SHANK2: variants seen among roughly 807,000 people sequenced by gnomAD.
SHANK2 encodes SH3 and multiple ankyrin repeat domains protein 2.
A neutral mutation model predicts 133.7 loss-of-function variants in SHANK2; 43 were observed. The ratio of observed to expected loss-of-function variants is 0.32; its 90% CI spans 0.25 to 0.41. The LOEUF (loss-of-function observed/expected upper bound fraction) is 0.41, where lower values mean the gene tolerates loss of function less well. Among genes scored for constraint, SHANK2 ranks in the 10% least tolerant of loss-of-function variants. The pLI is 1.00. For synonymous variants in SHANK2, 1,017 were observed against 952.8 expected (o/e 1.07, Z -1.24); for missense variants, 1,994 against 2,235.8 (o/e 0.89, Z 2.18).
chr11:70,716,045 C>T (rs577413277), intron 14 of SHANK2, among the ~76,000 whole-genome samples: 2 of 152,198 alleles, frequency 1.3e-5, no homozygotes, highest in African/African-American at 4.8e-5. Context: ...CTGCCTAACC[C>T]CAAAACTGTC....
chr11:70,856,502 T>C (rs1256766244), intron 11 of SHANK2, among the ~76,000 whole-genome samples: 1 of 150,150 alleles, frequency 6.7e-6, no homozygotes, highest in Non-Finnish European at 1.5e-5. Context: ...GGATAATGAG[T>C]GGATGGATGG....
intron 17 of SHANK2, among the ~76,000 whole-genome samples, chr11:70,507,525 G>T (rs536575849): frequency 3.4e-4 from 52 of 152,268 alleles, no homozygotes; most frequent in African/African-American, 1.2e-3. Context: ...GTCTGTGAGG[G>T]GCCTGCAACA....
intron 5 of SHANK2, 113 bp downstream of exon 5, chr11:71,113,180 G>A (rs977143354): frequency 1.0e-6 from 1 of 959,180 alleles, no homozygotes; most frequent in Non-Finnish European, 1.6e-6. Context: ...CACACGCCAT[G>A]CCAGGTACAC....
intron 3 of SHANK2, among the ~76,000 whole-genome samples, chr11:71,132,385 C>T (rs781793269): frequency 2.6e-5 from 4 of 152,222 alleles, no homozygotes; most frequent in Non-Finnish European, 4.4e-5. Flanking sequence ...GGCTGCTCCT[C>T]ACCAGCATGG....
At chr11:71,230,524 G>A (rs7112670) in intron 1 of SHANK2, among the ~76,000 whole-genome samples, 47,322 of 150,700 alleles carry the variant, frequency 0.31, 7,519 homozygotes, top group East Asian at 0.44. Context: ...AGCCGAGATC[G>A]TGCTGCTGCA....
At chr11:70,923,792 A>G (rs1950386820) in intron 10 of SHANK2, among the ~76,000 whole-genome samples, 1 of 152,094 alleles carries the variant, frequency 6.6e-6, no homozygotes, top group African/African-American at 2.4e-5. Context: ...GGCTCAAGTG[A>G]TGATCCCGCC....
chr11:70,927,212 CAAT>C (rs1181076595), intron 10 of SHANK2, among the ~76,000 whole-genome samples: 1 of 152,116 alleles, frequency 6.6e-6, no homozygotes, highest in Non-Finnish European at 1.5e-5. Flanking sequence ...ATTTTATAAA[CAAT>C]AATACTTCCC....
At chr11:70,874,904 G>T (rs1590785401) in intron 11 of SHANK2, among the ~76,000 whole-genome samples, 1 of 152,158 alleles carries the variant, frequency 6.6e-6, no homozygotes, top group South Asian at 2.1e-4. Context: ...TCCGGACCCT[G>T]CAGACTTCAC....
intron 14 of SHANK2, among the ~76,000 whole-genome samples, chr11:70,795,192 T>C (rs1264317005): frequency 2.0e-5 from 3 of 152,048 alleles, no homozygotes; most frequent in African/African-American, 7.2e-5. Flanking sequence ...CTGATGTTCA[T>C]TTTTGCCATC....
intron 14 of SHANK2, among the ~76,000 whole-genome samples, chr11:70,709,809 C>G (rs1945740746): frequency 6.6e-6 from 1 of 151,900 alleles, no homozygotes; most frequent in African/African-American, 2.4e-5. Context: ...CATGTGACGG[C>G]TGAGCACAGA....
intron 10 of SHANK2, among the ~76,000 whole-genome samples, chr11:70,906,007 T>G (rs1296508667): frequency 1.3e-5 from 2 of 152,082 alleles, no homozygotes; most frequent in Admixed American, 6.5e-5. Flanking sequence ...GAGACAGGGT[T>G]TCACCATGCT....
chr11:70,622,975 G>A (rs2136463427), intron 17 of SHANK2, among the ~76,000 whole-genome samples: 1 of 152,202 alleles, frequency 6.6e-6, no homozygotes, highest in East Asian at 1.9e-4. Flanking sequence ...TCAGGAGTTT[G>A]AGACCAGCCT....
At chr11:70,734,018 CAG>C (rs1387718543) in intron 14 of SHANK2, among the ~76,000 whole-genome samples, 1 of 152,128 alleles carries the variant, frequency 6.6e-6, no homozygotes, top group Non-Finnish European at 1.5e-5. Context: ...TCATGGAAGA[CAG>C]GGGAGGGTGT....
intron 14 of SHANK2, among the ~76,000 whole-genome samples, chr11:70,779,614 C>T (rs1010733407): frequency 4.6e-5 from 7 of 152,306 alleles, no homozygotes; most frequent in African/African-American, 9.6e-5. Flanking sequence ...CAACCAGAGC[C>T]GCCCAGAGAT....
At chr11:70,573,231 G>A (rs1211927659) in intron 17 of SHANK2, among the ~76,000 whole-genome samples, 2 of 148,686 alleles carry the variant, frequency 1.3e-5, no homozygotes, top group African/African-American at 5.0e-5. Flanking sequence ...AGCGGTGGGG[G>A]CGGGGCAGGG....
intron 17 of SHANK2, among the ~76,000 whole-genome samples, chr11:70,639,167 C>A (rs2134143467): frequency 6.6e-6 from 1 of 152,218 alleles, no homozygotes; most frequent in South Asian, 2.1e-4. Flanking sequence ...CTAGAGGCCT[C>A]TGTGTTGGGG....
chr11:70,695,835 T>C (rs1342929010), intron 15 of SHANK2, among the ~76,000 whole-genome samples: 1 of 152,232 alleles, frequency 6.6e-6, no homozygotes, highest in Non-Finnish European at 1.5e-5. Flanking sequence ...TTTCTTTCAA[T>C]GAACCACAGG....
At chr11:71,119,304 G>T (rs66682347) in intron 3 of SHANK2, among the ~76,000 whole-genome samples, 13,646 of 152,252 alleles carry the variant, frequency 0.09, 747 homozygotes, top group East Asian at 0.15. Context: ...AGCACTGGCC[G>T]GGTGCGGTGG....
chr11:70,506,087 A>G (rs987841768), intron 17 of SHANK2, among the ~76,000 whole-genome samples: 3 of 152,186 alleles, frequency 2.0e-5, no homozygotes, highest in African/African-American at 7.2e-5. Context: ...GCAAAGGACC[A>G]AAGAAAGGCC....
Sources: gnomAD v4.1 joint callset for allele counts (sites outside exome capture counted in the v4.1 genomes callset) on GRCh38, gnomAD v4.1.1 for gene constraint, MANE v1.5 for transcripts, NCBI Gene and HGNC (gene_info 2026-07-23, HGNC 2026-07-21) for gene names.